The following OSBPL10 variants were observed in gnomAD, a reference collection of about 807,000 sequenced individuals.
OSBPL10 encodes oxysterol binding protein like 10.
In OSBPL10, 49 loss-of-function variants were observed where a neutral mutation model predicts 81.7. The ratio of observed to expected loss-of-function variants is 0.60; its 90% confidence interval spans 0.48 to 0.76. The LOEUF (loss-of-function observed/expected upper bound fraction) is 0.76. Among genes scored for constraint, OSBPL10 ranks in the 30% least tolerant of loss-of-function variants. The probability of loss-of-function intolerance (pLI) is 0.00; values close to 1 mark genes in which losing one functional copy is unlikely to be tolerated. For synonymous variants in OSBPL10, 419 were observed against 383.6 expected, an observed-to-expected ratio of 1.09 and a Z score of -1.08; for missense variants, 923 against 987.8, an observed-to-expected ratio of 0.93 and a Z score of 0.88.
chr3:31,695,655 A>G (rs1490546865), intron 7 of OSBPL10, among the ~76,000 whole-genome samples: 1 of 152,174 alleles, frequency 6.6e-6, no homozygotes, highest in Non-Finnish European at 1.5e-5. Flanking sequence ...TCTTGGAGAA[A>G]CAGAGACAAC....
intron 4 of OSBPL10, among the ~76,000 whole-genome samples, chr3:31,829,500 G>A (rs540368165): frequency 3.3e-5 from 5 of 152,286 alleles, no homozygotes; most frequent in African/African-American, 9.6e-5. Flanking sequence ...TTTTACAGGT[G>A]TAGAAACTGA....
intron 1 of OSBPL10, among the ~76,000 whole-genome samples, chr3:31,947,581 G>A (rs188096148): frequency 1.3e-5 from 2 of 152,262 alleles, no homozygotes; most frequent in East Asian, 3.9e-4. Flanking sequence ...CGACAGCACT[G>A]AGAAGGTACT....
intron 5 of OSBPL10, among the ~76,000 whole-genome samples, chr3:31,737,349 T>C (rs17028168): frequency 0.017 from 2,598 of 152,170 alleles, 38 homozygotes; most frequent in South Asian, 0.043. Context: ...GAAAAAATAT[T>C]CTCAAGAAGG....
At chr3:31,876,606 C>G in intron 2 of OSBPL10, 94 bp from the exon 3 acceptor site, 1 of 1,033,850 alleles carries the variant, frequency 9.7e-7, no homozygotes, top group Non-Finnish European at 1.5e-6. Context: ...GGTGGGGAGC[C>G]TGGGGAGTGA....
chr3:32,019,735 G>A (rs551355975), intron 2 of OSBPL10, among the ~76,000 whole-genome samples: 30 of 152,226 alleles, frequency 2.0e-4, no homozygotes, highest in South Asian at 4.1e-4. Flanking sequence ...TATTAACTCT[G>A]TTTCTTCGCA....
chr3:31,800,844 C>T (rs1316342523), intron 4 of OSBPL10, among the ~76,000 whole-genome samples: 1 of 152,136 alleles, frequency 6.6e-6, no homozygotes, highest in Non-Finnish European at 1.5e-5. Flanking sequence ...CAGAATAATG[C>T]AGTTTTTCAT....
intron 3 of OSBPL10, among the ~76,000 whole-genome samples, chr3:31,835,012 C>CT (rs1401977663): frequency 6.6e-6 from 1 of 152,146 alleles, no homozygotes; most frequent in Non-Finnish European, 1.5e-5. Context: ...GCAATGAATA[C>CT]TATCATTAAT....
chr3:31,833,285 C>G (rs77374943), intron 3 of OSBPL10, among the ~76,000 whole-genome samples: 7 of 152,258 alleles, frequency 4.6e-5, no homozygotes, highest in East Asian at 1.9e-4. Context: ...TCTATCCCCC[C>G]ACTCCTCCCC....
intron 1 of OSBPL10, among the ~76,000 whole-genome samples, chr3:31,953,287 C>G (rs1697920782): frequency 6.6e-6 from 1 of 152,016 alleles, no homozygotes. Context: ...GGGACAGAAG[C>G]AAGGCAGGAA....
At chr3:31,722,836 GTAAA>G (rs771782811) in intron 6 of OSBPL10, among the ~76,000 whole-genome samples, 4 of 152,080 alleles carry the variant, frequency 2.6e-5, no homozygotes, top group Middle Eastern at 6.8e-3. Context: ...TACATTTGCT[GTAAA>G]TAAAGATTTG....
At chr3:31,738,506 G>A (rs1284982820) in intron 5 of OSBPL10, among the ~76,000 whole-genome samples, 1 of 152,144 alleles carries the variant, frequency 6.6e-6, no homozygotes, top group East Asian at 1.9e-4. Flanking sequence ...GGGAGCTGAG[G>A]GAAAACATTC....
chr3:31,716,513 C>T (rs1427071349), intron 6 of OSBPL10, among the ~76,000 whole-genome samples: 2 of 152,088 alleles, frequency 1.3e-5, no homozygotes, highest in Non-Finnish European at 2.9e-5. Flanking sequence ...TCTAATGATC[C>T]CCGGCCATGG....
At chr3:31,837,320 A>ATT (rs1491274956) in intron 3 of OSBPL10, among the ~76,000 whole-genome samples, 6 of 101,378 alleles carry the variant, frequency 5.9e-5, no homozygotes, top group African/African-American at 1.2e-4. Context: ...AGATCCCCAA[A>ATT]TTATATATAT....
chr3:31,712,486 C>A (rs940050130), intron 6 of OSBPL10, among the ~76,000 whole-genome samples: 3 of 152,364 alleles, frequency 2.0e-5, no homozygotes, highest in Non-Finnish European at 2.9e-5. Flanking sequence ...GTTAGAGAAT[C>A]TTTCCACGCT....
intron 2 of OSBPL10, among the ~76,000 whole-genome samples, chr3:32,026,045 TA>T (rs143210458): frequency 2.3e-4 from 28 of 120,874 alleles, no homozygotes; most frequent in African/African-American, 3.0e-4. Context: ...GATAGATAGA[TA>T]GATAGATAGA....
chr3:31,832,499 AC>A (rs1265525938), intron 3 of OSBPL10, among the ~76,000 whole-genome samples: 1 of 152,212 alleles, frequency 6.6e-6, no homozygotes, highest in Non-Finnish European at 1.5e-5. Flanking sequence ...TTTACTGAAT[AC>A]CTACTATGTG....
At chr3:31,893,056 G>T (rs1695947729) in intron 1 of OSBPL10, among the ~76,000 whole-genome samples, 1 of 152,142 alleles carries the variant, frequency 6.6e-6, no homozygotes, top group Non-Finnish European at 1.5e-5. Flanking sequence ...AGCCAGGAAG[G>T]ACACGGAAAC....
At chr3:31,670,144 G>A (rs1033687382) in intron 9 of OSBPL10, among the ~76,000 whole-genome samples, 2 of 152,106 alleles carry the variant, frequency 1.3e-5, no homozygotes, top group Non-Finnish European at 2.9e-5. Flanking sequence ...GGGTGTCCAC[G>A]TGCCCCTGTG....
intron 1 of OSBPL10, among the ~76,000 whole-genome samples, chr3:31,904,506 C>CA (rs756914568): frequency 1.3e-5 from 2 of 152,190 alleles, no homozygotes; most frequent in South Asian, 4.2e-4. Flanking sequence ...TTGGATGTAC[C>CA]AAAAAAGCCA....
Sources: gnomAD v4.1 joint callset for allele counts (sites outside exome capture counted in the v4.1 genomes callset) on GRCh38, gnomAD v4.1.1 for gene constraint, MANE v1.5 for transcripts, NCBI Gene and HGNC (gene_info 2026-07-23, HGNC 2026-07-21) for gene names.